The following ANO1 variants were observed in gnomAD, a reference collection of about 807,000 sequenced individuals.
ANO1 encodes the protein anoctamin-1.
ANO1 carries 59 observed loss-of-function variants against 124.0 expected under a neutral mutation model. The observed-to-expected ratio is 0.48, with a 90% CI of 0.39 to 0.59. The LOEUF (loss-of-function observed/expected upper bound fraction) is 0.59. Ranked by LOEUF, ANO1 falls within the 20% of genes least tolerant of loss-of-function variation. The probability of loss-of-function intolerance (pLI) is 0.00; values close to 1 mark genes in which losing one functional copy is unlikely to be tolerated. For synonymous variants in ANO1, 529 were observed against 532.0 expected, an observed-to-expected ratio of 0.99 and a Z score of 0.08; for missense variants, 1,059 against 1,328.0, an observed-to-expected ratio of 0.80 and a Z score of 3.15.
the ANO1 span, among the ~76,000 whole-genome samples, chr11:69,971,755 A>G: frequency 6.6e-6 from 1 of 152,096 alleles, no homozygotes; most frequent in Non-Finnish European, 1.5e-5. Context: ...CTAATGCTGG[A>G]TGAGCTTTGA....
intron 1 of ANO1, among the ~76,000 whole-genome samples, chr11:70,023,315 T>A (rs971796966): frequency 1.3e-5 from 2 of 152,194 alleles, no homozygotes; most frequent in East Asian, 3.8e-4. Flanking sequence ...AGCAGGAGCA[T>A]GGCCATGTAT....
At chr11:70,117,763 A>G (rs1431332511) in intron 8 of ANO1, among the ~76,000 whole-genome samples, 2 of 152,076 alleles carry the variant, frequency 1.3e-5, no homozygotes, top group Admixed American at 6.5e-5. Context: ...CCTTGTCCCA[A>G]TTCCCAGGGG....
At chr11:69,984,921 A>T (rs782066133), upstream of ANO1, among the ~76,000 whole-genome samples, 2 of 152,190 alleles carry the variant, frequency 1.3e-5, no homozygotes, top group Non-Finnish European at 2.9e-5. Flanking sequence ...TGTTTATGGT[A>T]GTTCTGCCTG....
chr11:70,127,452 G>A lies in ANO1; in HGVS notation c.1097+1257G>A, dbSNP rs61885493. Among the ~76,000 whole-genome samples, 434 of 152,326 alleles carry A rather than the reference G, an allele frequency of 2.8e-3. 1 individual carries two copies. Among genetic ancestry groups the A allele is most frequent in the Non-Finnish European group, 4.9e-3 (336 of 68,026 alleles). The stretch of plus-strand genomic sequence containing the variant: ...GCTGTTCACCAAGGGTATGTCAGAC[G>A]TCAGGGAGCTCGGAAAAGAAGGCCC... On this transcript the variant is annotated intron_variant, in intron 10 of 25. Coordinates refer to ENST00000355303, the MANE Select transcript of ANO1 (RefSeq NM_018043.7).
At chr11:70,134,638 A>G (rs2046883976) in intron 11 of ANO1, among the ~76,000 whole-genome samples, 1 of 152,138 alleles carries the variant, frequency 6.6e-6, no homozygotes, top group South Asian at 2.1e-4. Flanking sequence ...TGTGGGAGGT[A>G]CTCATCAGCC....
At chr11:70,006,663 C>CTTTTTTTTTTTTTTTT (rs56851839) in intron 1 of ANO1, among the ~76,000 whole-genome samples, 5 of 88,996 alleles carry the variant, frequency 5.6e-5, no homozygotes, top group African/African-American at 8.4e-5. Context: ...TTTCTTCTTT[C>CTTTTTTTTTTTTTTTT]TTTTTTTTTT....
chr11:69,972,925 T>TTC, the ANO1 span, among the ~76,000 whole-genome samples: 1 of 151,530 alleles, frequency 6.6e-6, no homozygotes, highest in African/African-American at 2.4e-5. Flanking sequence ...TCTTTTTTTT[T>TTC]TGAGACAGAG....
chr11:69,984,905 G>C (rs538960373), upstream of ANO1, among the ~76,000 whole-genome samples: 25 of 152,342 alleles, frequency 1.6e-4, no homozygotes, highest in African/African-American at 5.8e-4. Context: ...GAGCCACTTA[G>C]CATTCTGTTT....
chr11:70,167,404 G>A lies in ANO1; in HGVS notation c.2197+17G>A, dbSNP rs770294403. 8 of 1,603,288 alleles carry A rather than the reference G, an allele frequency of 5.0e-6. No homozygotes were observed. In the East Asian group the frequency reaches 1.6e-4, roughly 32 times the overall value. The stretch of plus-strand genomic sequence containing the variant: ...TGGAAATGAGTGAGTGATGGCCGGG[G>A]CAGGCAGGTGACATCAGGATAGAAA... On this transcript the variant is annotated intron_variant, in intron 21 of 25. Coordinates refer to ENST00000355303, the MANE Select transcript of ANO1 (RefSeq NM_018043.7).
intron 8 of ANO1, among the ~76,000 whole-genome samples, chr11:70,118,323 C>CATTAAGAAATGAGTAGG (rs2046079132): frequency 6.6e-6 from 1 of 152,132 alleles, no homozygotes; most frequent in Non-Finnish European, 1.5e-5. Flanking sequence ...TGAGAAATAC[C>CATTAAGAAATGAGTAGG]TACTGGGCAC....
At chr11:70,040,719 A>G (rs1378281468) in intron 1 of ANO1, among the ~76,000 whole-genome samples, 1 of 152,186 alleles carries the variant, frequency 6.6e-6, no homozygotes, top group Non-Finnish European at 1.5e-5. Context: ...GGCAGTTCAG[A>G]GCCCGGTCGA....
Position 70,144,503 on chromosome 11 carries a change from TCC to T in ANO1, c.1259-5205_1259-5204del, listed in dbSNP as rs533625823. Among the ~76,000 whole-genome samples, 45 of 152,324 alleles carry T rather than the reference TCC, an allele frequency of 3.0e-4. No homozygotes were observed. In the South Asian group the frequency reaches 9.1e-3, roughly 31 times the overall value. ...GCTGCCCATGCTCACCCTGATGAGA[TCC>T]CATGTAGACCTAGAGTCTTTCGCTC... On this transcript the variant is annotated intron_variant, in intron 11 of 25. Transcript: ENST00000355303.
chr11:70,126,235 A>G (rs761980533), intron 10 of ANO1, 40 bp downstream of exon 10: 5 of 1,590,278 alleles, frequency 3.1e-6, no homozygotes, highest in Non-Finnish European at 4.3e-6. Flanking sequence ...CAGTACACAG[A>G]GGAGCCCTCT....
chr11:70,137,224 G>A (rs1055200089), intron 11 of ANO1, among the ~76,000 whole-genome samples: 1 of 146,846 alleles, frequency 6.8e-6, no homozygotes, highest in African/African-American at 2.4e-5. Context: ...TTATCACACT[G>A]TATCCGAACA....
intron 1 of ANO1, among the ~76,000 whole-genome samples, chr11:70,079,883 G>T (rs1183961065): frequency 2.0e-5 from 3 of 152,226 alleles, no homozygotes; most frequent in Admixed American, 1.3e-4. Context: ...AGTGGAGGGG[G>T]GTGGCCTGGG....
intron 1 of ANO1, among the ~76,000 whole-genome samples, chr11:69,993,334 A>T (rs1856192543): frequency 6.6e-6 from 1 of 152,228 alleles, no homozygotes; most frequent in African/African-American, 2.4e-5. Context: ...TCAACACAAA[A>T]GTCTGAACAT....
intron 1 of ANO1, among the ~76,000 whole-genome samples, chr11:70,061,514 C>G (rs782139451): frequency 6.7e-6 from 1 of 150,258 alleles, no homozygotes; most frequent in Admixed American, 6.7e-5. Flanking sequence ...CTCTCCCCTC[C>G]TCCCTTTCTC....
chr11:70,124,449 C>T, intron 9 of ANO1, 35 bp downstream of exon 9: 1 of 1,603,096 alleles, frequency 6.2e-7, no homozygotes, highest in Non-Finnish European at 8.5e-7. Context: ...GAATCAAGTC[C>T]CTACTCCGAT....
chr11:70,161,095 G>C (rs1353939585), intron 16 of ANO1, 66 bp from the exon 17 acceptor site: 6 of 1,444,768 alleles, frequency 4.2e-6, no homozygotes, highest in South Asian at 1.3e-5. Flanking sequence ...TGAGGGAGCA[G>C]ATGGGGCAGG....
Sources: gnomAD v4.1 joint callset for allele counts (sites outside exome capture counted in the v4.1 genomes callset) on GRCh38, gnomAD v4.1.1 for gene constraint, MANE v1.5 for transcripts, NCBI Gene and HGNC (gene_info 2026-07-23, HGNC 2026-07-21) for gene names.